The following DISC1 variants were observed in gnomAD, a reference collection of about 807,000 sequenced individuals.
DISC1 encodes the protein disrupted in schizophrenia 1 protein.
A neutral mutation model predicts 84.5 loss-of-function variants in DISC1; 57 were observed. The ratio of observed to expected loss-of-function variants is 0.67; its 90% CI spans 0.55 to 0.84. The LOEUF is 0.84. Among genes scored for constraint, DISC1 ranks in the 40% least tolerant of loss-of-function variants. The pLI, the probability that DISC1 is intolerant of heterozygous loss-of-function variation, is 0.00. For missense variants in DISC1, 1,000 were observed against 1,057.8 expected (o/e 0.95, Z 0.76); for synonymous variants, 411 against 415.2 (o/e 0.99, Z 0.12).
chr1:231,892,062 C>T (rs2087272050), intron 9 of DISC1, among the ~76,000 whole-genome samples: 1 of 151,942 alleles, frequency 6.6e-6, no homozygotes, highest in Non-Finnish European at 1.5e-5. Context: ...GAGTCTCCTG[C>T]CCCCCCACCA....
intron 3 of DISC1, among the ~76,000 whole-genome samples, chr1:231,733,803 G>A (rs867859536): frequency 1.6e-5 from 2 of 129,016 alleles, no homozygotes; most frequent in African/African-American, 2.7e-5. Context: ...TGGTGGTGGT[G>A]CCATGAGTAG....
At chr1:231,879,644 T>C (rs1455683596) in intron 9 of DISC1, among the ~76,000 whole-genome samples, 1 of 149,358 alleles carries the variant, frequency 6.7e-6, no homozygotes, top group African/African-American at 2.5e-5. Context: ...GGTGGGGAAA[T>C]GGCTGATGGG....
chr1:231,876,605 T>C (rs1349057392), intron 9 of DISC1, among the ~76,000 whole-genome samples: 1 of 152,220 alleles, frequency 6.6e-6, no homozygotes, highest in Non-Finnish European at 1.5e-5. Context: ...TAATTGCCAC[T>C]GACCCGTGAT....
At chr1:231,737,571 A>T (rs2072675983) in intron 3 of DISC1, among the ~76,000 whole-genome samples, 1 of 151,518 alleles carries the variant, frequency 6.6e-6, no homozygotes, top group African/African-American at 2.4e-5. Context: ...CAGTGAAAGG[A>T]GAATAGGAGA....
chr1:231,649,269 T>C (rs182678408), intron 1 of DISC1, among the ~76,000 whole-genome samples: 9 of 152,348 alleles, frequency 5.9e-5, no homozygotes, highest in African/African-American at 9.6e-5. Flanking sequence ...TTTGTTCGCA[T>C]TAGTTTCGAA....
At chr1:231,680,546 A>G (rs1045324327) in intron 1 of DISC1, among the ~76,000 whole-genome samples, 4 of 152,072 alleles carry the variant, frequency 2.6e-5, no homozygotes, top group African/African-American at 9.7e-5. Context: ...TAACATGTGG[A>G]AAAAAAATAC....
intron 2 of DISC1, among the ~76,000 whole-genome samples, chr1:231,697,298 T>C (rs2065839544): frequency 6.6e-6 from 1 of 152,196 alleles, no homozygotes; most frequent in African/African-American, 2.4e-5. Context: ...AAAATGAGAA[T>C]CTCAGGAATT....
rs368438271 is a variant in DISC1, at chr1:232,016,483, T to G, written c.2307+7434T>G. 3.3e-5 allele frequency among the ~76,000 whole-genome samples: 5 copies of G among 152,240 alleles called. No individual in the cohort carries two copies. The South Asian group carries it at 1.0e-3, about 31-fold the overall frequency. Reference sequence around the variant, plus strand: ...TTTTGGATTCAAATGGATTATTTTCTCAGAGGGTTCTAATGAAGTCTGGTT... The same window carrying G: ...TTTTGGATTCAAATGGATTATTTTCGCAGAGGGTTCTAATGAAGTCTGGTT... On this transcript the variant is annotated intron_variant, in intron 11 of 12. Transcript: ENST00000439617.
chr1:231,714,184 A>G (rs909823735), intron 3 of DISC1, among the ~76,000 whole-genome samples: 7 of 152,152 alleles, frequency 4.6e-5, no homozygotes, highest in African/African-American at 1.7e-4. Context: ...AAATATAACC[A>G]AAGAAGTGAA....
intron 3 of DISC1, among the ~76,000 whole-genome samples, chr1:231,711,357 CTTTTTTTTTTT>C (rs57262026): frequency 9.0e-6 from 1 of 111,308 alleles, no homozygotes; most frequent in African/African-American, 3.5e-5. Flanking sequence ...GGACATATTT[CTTTTTTTTTTT>C]TTTTTTTTTT....
intron 6 of DISC1, among the ~76,000 whole-genome samples, chr1:231,781,246 A>G (rs1356485215): frequency 6.7e-6 from 1 of 149,774 alleles, no homozygotes; most frequent in Non-Finnish European, 1.5e-5. Flanking sequence ...ATGATTTTTG[A>G]ATAACAGAAC....
chr1:231,909,025 C>T (rs2126047843), intron 9 of DISC1, among the ~76,000 whole-genome samples: 2 of 152,188 alleles, frequency 1.3e-5, no homozygotes, highest in Middle Eastern at 6.8e-3. Context: ...CATTTTGTAT[C>T]CTAAGACTTT....
chr1:232,006,578 T>G (rs148453993), intron 10 of DISC1, among the ~76,000 whole-genome samples: 1 of 152,142 alleles, frequency 6.6e-6, no homozygotes, highest in African/African-American at 2.4e-5. Flanking sequence ...ACTTGGGTGC[T>G]CTTAAAGCAG....
chr1:231,663,685 A>G (rs1473031872), intron 1 of DISC1, among the ~76,000 whole-genome samples: 1 of 152,214 alleles, frequency 6.6e-6, no homozygotes, highest in African/African-American at 2.4e-5. Context: ...CACGTGTTGC[A>G]TATACCTATA....
At chr1:231,632,868 C>G (rs141482899) in intron 1 of DISC1, among the ~76,000 whole-genome samples, 9 of 152,062 alleles carry the variant, frequency 5.9e-5, no homozygotes, top group African/African-American at 1.4e-4. Flanking sequence ...GTCAGGAGTT[C>G]GAGACCATCC....
intron 3 of DISC1, among the ~76,000 whole-genome samples, chr1:231,732,449 C>T (rs1347992233): frequency 2.0e-5 from 3 of 152,122 alleles, no homozygotes; most frequent in African/African-American, 4.8e-5. Context: ...TCTTTCATTT[C>T]TGAAACTGGA....
At chr1:231,637,136 A>T (rs923060746) in intron 1 of DISC1, among the ~76,000 whole-genome samples, 2 of 152,118 alleles carry the variant, frequency 1.3e-5, no homozygotes, top group African/African-American at 4.8e-5. Context: ...ACATGAACTC[A>T]TCCTTTTTTA....
intron 3 of DISC1, among the ~76,000 whole-genome samples, chr1:231,713,703 G>GATATATATAT (rs141599033): frequency 7.7e-6 from 1 of 129,480 alleles, no homozygotes; most frequent in African/African-American, 3.1e-5. Flanking sequence ...ATATATAGGA[G>GATATATATAT]ATATATATAT....
intron 6 of DISC1, chr1:231,771,440 C>T (rs1308547296): frequency 1.0e-6 from 1 of 985,266 alleles, no homozygotes; most frequent in Non-Finnish European, 1.2e-6. Context: ...TGAACTATGC[C>T]TCTCACTAAG....
Sources: gnomAD v4.1 joint callset for allele counts (sites outside exome capture counted in the v4.1 genomes callset) on GRCh38, gnomAD v4.1.1 for gene constraint, MANE v1.5 for transcripts, NCBI Gene and HGNC (gene_info 2026-07-23, HGNC 2026-07-21) for gene names.